Variants in EMC8 observed in about 807,000 individuals in gnomAD.
EMC8 encodes the protein ER membrane protein complex subunit 8.
EMC8 carries 11 observed loss-of-function variants against 24.3 expected under a neutral mutation model. The ratio of observed to expected loss-of-function variants is 0.45; its 90% CI spans 0.28 to 0.75. EMC8 has a LOEUF of 0.75. Among genes scored for constraint, EMC8 ranks in the 30% least tolerant of loss-of-function variants. The probability of loss-of-function intolerance (pLI) is 0.12; values close to 1 mark genes in which losing one functional copy is unlikely to be tolerated. For synonymous variants in EMC8, 145 were observed against 117.7 expected (o/e 1.23, Z -1.50); for missense variants, 277 against 282.7 (o/e 0.98, Z 0.14).
At chr16:85,785,261 T>G (rs1904700258) in intron 2 of EMC8, among the ~76,000 whole-genome samples, 1 of 152,174 alleles carries the variant, frequency 6.6e-6, no homozygotes, top group Non-Finnish European at 1.5e-5. Flanking sequence ...ATTTATTATT[T>G]TAAAAGAAGT....
At chr16:85,784,225 C>T (rs139834789) in intron 2 of EMC8, among the ~76,000 whole-genome samples, 11,898 of 152,204 alleles carry the variant, frequency 0.078, 618 homozygotes, top group East Asian at 0.31. Flanking sequence ...GTCTCGATCT[C>T]CTGACCTCGT....
At chr16:85,780,724 C>A (rs752976834) in intron 3 of EMC8, 228 of 544,366 alleles carry the variant, frequency 4.2e-4, no homozygotes, top group Non-Finnish European at 6.9e-4. Context: ...TTCCCTCATC[C>A]TAGGATTCTG....
At chr16:85,797,676 A>T (rs1292985731) in intron 1 of EMC8, among the ~76,000 whole-genome samples, 1 of 152,214 alleles carries the variant, frequency 6.6e-6, no homozygotes, top group African/African-American at 2.4e-5. Context: ...CTTGGGTGTC[A>T]TAATTAGTTA....
Position 85,799,430 on chromosome 16 carries a change from G to A in EMC8, c.-135C>T, listed in dbSNP as rs1017606357. On this transcript the variant is annotated 5_prime_UTR_variant, in exon 1 of 5. Coordinates refer to ENST00000253457, the MANE Select transcript of EMC8 (RefSeq NM_006067.5). This position sits in a 1 kb window ranked among gnomAD's most constrained non-coding sequence, Gnocchi z 4.2. ...ATGGCGCGGCCGCGGGCTGGCGGGGGACCCTTCAGGCCCGGCCCCGTTTGG... is the reference window on the plus strand; with the variant it reads ...ATGGCGCGGCCGCGGGCTGGCGGGGAACCCTTCAGGCCCGGCCCCGTTTGG... 2.0e-6 allele frequency: 1 copy of A among 505,028 alleles called. No individual in the cohort carries two copies. The highest frequency in any genetic ancestry group is 2.0e-5 in the African/African-American group (1 of 48,818). 31.3% of individuals were successfully genotyped at this position (505,028 alleles called of 1,614,324 possible). A position where few individuals can be genotyped will look rare whatever the true frequency, so the allele number is the denominator to read the frequency against.
chr16:85,793,733 A>T (rs1458543763), intron 1 of EMC8, among the ~76,000 whole-genome samples: 1 of 152,126 alleles, frequency 6.6e-6, no homozygotes, highest in Non-Finnish European at 1.5e-5. Flanking sequence ...ATGTAACAGA[A>T]AGCTACTCCA....
Position 85,778,805 on chromosome 16 carries a change from A to T in EMC8, c.*903T>A, listed in dbSNP as rs1044479707. The T allele has an allele frequency of 6.6e-6, 1 of 152,204 alleles. No homozygotes were observed. The highest frequency in any genetic ancestry group is 2.4e-5 in the African/African-American group (1 of 41,444). 9.4% of individuals were successfully genotyped at this position (152,204 alleles called of 1,614,324 possible). ...GTACCGCTCTCTGAACTTTGTACAAAATAATTCATATAAAAAGGAAAAAAG... is the reference window on the plus strand; with the variant it reads ...GTACCGCTCTCTGAACTTTGTACAATATAATTCATATAAAAAGGAAAAAAG... On this transcript the variant is annotated 3_prime_UTR_variant, in exon 5 of 5. Coordinates refer to ENST00000253457, the MANE Select transcript of EMC8 (RefSeq NM_006067.5).
intron 3 of EMC8, 38 bp downstream of exon 3, chr16:85,781,173 C>A (rs375452419): frequency 1.3e-6 from 2 of 1,527,452 alleles, no homozygotes; most frequent in Non-Finnish European, 1.8e-6. Flanking sequence ...TGAGAGGAGG[C>A]GCAAGGGCCT....
rs1285512243 is a variant in EMC8, at chr16:85,779,668, G to A, written c.*40C>T. On this transcript the variant is annotated 3_prime_UTR_variant, in exon 5 of 5. Coordinates refer to ENST00000253457, the MANE Select transcript of EMC8 (RefSeq NM_006067.5). ...TTAAAAATAGGTTTTCTTCTTCAAC[G>A]TAGTGGAAAGGCCCGGAGCCCAGTC... 54 of 1,593,092 alleles carry A rather than the reference G, an allele frequency of 3.4e-5. No individual in the cohort carries two copies. The highest frequency in any genetic ancestry group is 6.7e-5 in the African/African-American group (5 of 74,500).
chr16:85,778,918 G>A lies in EMC8; in HGVS notation c.*790C>T, dbSNP rs905391413. On this transcript the variant is annotated 3_prime_UTR_variant, in exon 5 of 5. Coordinates refer to ENST00000253457, the MANE Select transcript of EMC8 (RefSeq NM_006067.5). The stretch of plus-strand genomic sequence containing the variant: ...TGTTCTAAGTATAAAAAGTACAGAC[G>A]TCACTCTGCACAACTCGGGAAGTCT... 3 of 152,198 alleles carry A rather than the reference G, an allele frequency of 2.0e-5. No homozygotes were observed. Among genetic ancestry groups the A allele is most frequent in the African/African-American group, 4.8e-5 (2 of 41,448 alleles). 9.4% of individuals were successfully genotyped at this position (152,198 alleles called of 1,614,324 possible).
At chr16:85,779,937 G>A in intron 4 of EMC8, 70 bp from the exon 5 acceptor site, 1 of 1,347,926 alleles carries the variant, frequency 7.4e-7, no homozygotes, top group East Asian at 2.3e-5. Context: ...CATCAAGAGA[G>A]AAGGCCAGCC....
chr16:85,782,165 C>T (rs1904536542), intron 2 of EMC8, among the ~76,000 whole-genome samples: 1 of 152,204 alleles, frequency 6.6e-6, no homozygotes, highest in Admixed American at 6.5e-5. Context: ...GCCTCCCGGG[C>T]CCGCCTTCTC....
chr16:85,783,966 C>T (rs891654113), intron 2 of EMC8, among the ~76,000 whole-genome samples: 1 of 152,196 alleles, frequency 6.6e-6, no homozygotes, highest in African/African-American at 2.4e-5. Flanking sequence ...AGGCTTTCAG[C>T]TTTTTGTGGC....
At position 85,780,265 on chromosome 16, in the gene EMC8, G is replaced by C. The variant is rs113544190; in HGVS notation, c.473+114C>G. 1.8e-4 allele frequency: 138 copies of C among 758,388 alleles called. No individual in the cohort carries two copies. In the African/African-American group the frequency reaches 2.3e-3, roughly 12 times the overall value. 47.0% of individuals were successfully genotyped at this position (758,388 alleles called of 1,614,324 possible). A position where few individuals can be genotyped will look rare whatever the true frequency, so the allele number is the denominator to read the frequency against. ...CTACAGGAGCCGGGGAATATGCTTG[G>C]TATCATGCTTCTGGAGAAAACGCTA... On this transcript the variant is annotated intron_variant, in intron 4 of 4. Transcript: ENST00000253457.
chr16:85,797,560 C>T (rs756882204), intron 1 of EMC8, among the ~76,000 whole-genome samples: 5 of 152,080 alleles, frequency 3.3e-5, no homozygotes, highest in African/African-American at 7.2e-5. Context: ...TGAATCCTAC[C>T]CGGAAATGAT....
intron 2 of EMC8, among the ~76,000 whole-genome samples, chr16:85,783,856 C>T (rs77212161): frequency 0.029 from 4,446 of 152,276 alleles, 213 homozygotes; most frequent in African/African-American, 0.1. Context: ...GACCCCCTGC[C>T]CTGCTGGAGT....
chr16:85,780,197 C>G lies in EMC8; in HGVS notation c.473+182G>C. ...GGGGTGGGAAGACCTGTGGGTACCA[C>G]TGAGGTTCCCTCTACTGCCTGGAAG... is the stretch of plus-strand genomic sequence containing the variant. On this transcript the variant is annotated intron_variant, in intron 4 of 4. Transcript: ENST00000253457. 3 of 618,826 alleles carry G rather than the reference C, an allele frequency of 4.8e-6. No individual in the cohort carries two copies. In the South Asian group the frequency reaches 5.7e-5, roughly 12 times the overall value. 38.3% of individuals were successfully genotyped at this position (618,826 alleles called of 1,614,324 possible).
chr16:85,781,222 C>A lies in EMC8; in HGVS notation c.367G>T (p.Ala123Ser), dbSNP rs772474550. 1.9e-6 allele frequency: 3 copies of A among 1,613,518 alleles called. No homozygotes were observed. The highest frequency in any genetic ancestry group is 2.2e-5 in the East Asian group (1 of 44,884). ...CAGAAGCGACTTACCATGATGAGCG[C>A]AGTGTCGCTGAAGCCCTCGGCGATT... The part of the protein sequence containing the change: ...SRIAEGFSDT[A>S]LIMVDNTKFT... The change falls in exon 3 of 5, where the codon GCG becomes TCG. Residue 123 changes from alanine to serine, a missense_variant. Coordinates refer to ENST00000253457, the MANE Select transcript of EMC8 (RefSeq NM_006067.5).
chr16:85,789,820 TTATACTCCATCTCAGCATTC>T (rs1904923843), intron 1 of EMC8, among the ~76,000 whole-genome samples: 1 of 143,574 alleles, frequency 7.0e-6, no homozygotes, highest in Admixed American at 6.7e-5. Context: ...AAAAAGTCTT[TTATACTCCATCTCAGCATTC>T]TAAGCACCGC....
chr16:85,780,955 C>T (rs536226861), intron 3 of EMC8: 19 of 536,462 alleles, frequency 3.5e-5, no homozygotes, highest in East Asian at 2.5e-4. Context: ...CCTGGGAATT[C>T]GCATTTCTAA....
Sources: allele counts gnomAD v4.1 joint callset (sites outside exome capture counted in the v4.1 genomes callset), GRCh38; gene constraint gnomAD v4.1.1; non-coding constraint Gnocchi (gnomAD v3.1); transcripts MANE v1.5; gene names NCBI Gene and HGNC (gene_info 2026-07-23, HGNC 2026-07-21).